The following ANK3 variants were observed in gnomAD, a reference collection of about 807,000 sequenced individuals.
ANK3 encodes the protein ankyrin-3.
ANK3 carries 57 observed loss-of-function variants against 370.9 expected under a neutral mutation model. That is an observed-to-expected ratio of 0.15 (90% CI 0.12 to 0.19). The LOEUF (loss-of-function observed/expected upper bound fraction) is 0.19, where lower values mean the gene tolerates loss of function less well. Among genes scored for constraint, ANK3 ranks in the 10% least tolerant of loss-of-function variants. ANK3 has a pLI of 1.00. For missense variants in ANK3, 4,439 were observed against 5,302.1 expected (o/e 0.84, Z 5.06); for synonymous variants, 1,929 against 1,946.3 (o/e 0.99, Z 0.23).
intron 1 of ANK3, among the ~76,000 whole-genome samples, chr10:60,615,439 A>G (rs2078255344): frequency 6.6e-6 from 1 of 152,168 alleles, no homozygotes; most frequent in South Asian, 2.1e-4. Flanking sequence ...TACAAAATAA[A>G]GAAAAGCAGG....
intron 25 of ANK3, among the ~76,000 whole-genome samples, chr10:60,118,184 G>C (rs2093235195): frequency 6.6e-6 from 1 of 152,210 alleles, no homozygotes; most frequent in Admixed American, 6.5e-5. Context: ...TAACAAGTGT[G>C]TCTTGTAGAA....
chr10:60,587,578 G>T (rs147377816), intron 2 of ANK3, among the ~76,000 whole-genome samples: 346 of 152,260 alleles, frequency 2.3e-3, no homozygotes, highest in African/African-American at 7.4e-3. Context: ...CATGGACTCA[G>T]TGCCAACTTA....
rs1029688918 is a variant in ANK3 at position 60,389,766 on chromosome 10, T to C, written c.-228A>G. The C allele has an allele frequency of 5.1e-6, 7 of 1,374,676 alleles. No individual in the cohort carries two copies. Among genetic ancestry groups the C allele is most frequent in the Non-Finnish European group, 6.6e-6 (7 of 1,065,476 alleles). 85.2% of individuals were successfully genotyped at this position (1,374,676 alleles called of 1,614,324 possible). On this transcript the variant is annotated 5_prime_UTR_variant, in exon 1 of 44. It removes the in-frame stop codon of an upstream open reading frame in the 5' UTR. Coordinates refer to ENST00000280772, the MANE Select transcript of ANK3 (RefSeq NM_020987.5). ...CTACACCTTCCTCTACCTGAACCTT[T>C]ACAGGAGAGTGCAGCCATCGTAATG...
chr10:60,034,199 C>T (rs1377255453), intron 43 of ANK3, among the ~76,000 whole-genome samples: 6 of 151,378 alleles, frequency 4.0e-5, no homozygotes, highest in African/African-American at 1.2e-4. Flanking sequence ...CTCCACCTCC[C>T]GGGCTCCAGT....
chr10:60,188,767 T>A (rs1340721138), intron 16 of ANK3, among the ~76,000 whole-genome samples: 2 of 152,144 alleles, frequency 1.3e-5, no homozygotes, highest in African/African-American at 4.8e-5. Flanking sequence ...AGATTTTATA[T>A]CCCTATTTTT....
At chr10:60,399,585 T>C (rs2063313479) in intron 2 of ANK3, among the ~76,000 whole-genome samples, 2 of 152,096 alleles carry the variant, frequency 1.3e-5, no homozygotes, top group South Asian at 2.1e-4. Flanking sequence ...TGAGCAGGTG[T>C]TGACATGTAA....
chr10:60,407,928 C>T (rs1019436707), intron 2 of ANK3, among the ~76,000 whole-genome samples: 1 of 152,216 alleles, frequency 6.6e-6, no homozygotes, highest in East Asian at 1.9e-4. Context: ...AGGAAGCTCA[C>T]ACCTTAGCCT....
intron 1 of ANK3, among the ~76,000 whole-genome samples, chr10:60,293,644 A>G (rs1239869701): frequency 7.2e-5 from 11 of 152,324 alleles, no homozygotes; most frequent in Admixed American, 7.2e-4. Flanking sequence ...CACTCCTCAC[A>G]TACAAAGAAG....
intron 7 of ANK3, among the ~76,000 whole-genome samples, chr10:60,250,564 A>C (rs2097644793): frequency 1.3e-5 from 2 of 152,114 alleles, no homozygotes; most frequent in East Asian, 1.9e-4. Flanking sequence ...ACGGAGTTTC[A>C]CCATGTTAGC....
intron 2 of ANK3, among the ~76,000 whole-genome samples, chr10:60,514,682 A>G (rs1234877000): frequency 6.6e-6 from 1 of 152,126 alleles, no homozygotes; most frequent in Non-Finnish European, 1.5e-5. Context: ...ACTGCATGTC[A>G]ACGTTATTCT....
At chr10:60,138,896 A>G (rs1301172383) in intron 24 of ANK3, 68 bp downstream of exon 24, 1 of 1,587,860 alleles carries the variant, frequency 6.3e-7, no homozygotes, top group Non-Finnish European at 8.6e-7. Flanking sequence ...AAAAATGAAC[A>G]TGATTTTGAT....
At chr10:60,493,378 CAGTA>C (rs1431390392) in intron 2 of ANK3, among the ~76,000 whole-genome samples, 2 of 151,896 alleles carry the variant, frequency 1.3e-5, no homozygotes, top group African/African-American at 4.8e-5. Flanking sequence ...AAGATAGAAA[CAGTA>C]AGAGCCCTAT....
intron 28 of ANK3, among the ~76,000 whole-genome samples, chr10:60,100,078 G>A (rs77654618): frequency 0.031 from 4,658 of 152,098 alleles, 231 homozygotes; most frequent in African/African-American, 0.11. Flanking sequence ...TATTTGCTTT[G>A]TCCTAATTTT....
intron 2 of ANK3, among the ~76,000 whole-genome samples, chr10:60,486,745 A>T (rs1481623579): frequency 1.3e-5 from 2 of 152,228 alleles, no homozygotes; most frequent in African/African-American, 4.8e-5. Context: ...AAGAAATAAA[A>T]GTTTAACAAT....
chr10:60,133,387 T>G (rs10509123), intron 25 of ANK3, among the ~76,000 whole-genome samples: 44,359 of 152,138 alleles, frequency 0.29, 7,031 homozygotes, highest in Non-Finnish European at 0.36. Flanking sequence ...GAAGACTGTG[T>G]TACTGGAACT....
chr10:60,570,495 A>G (rs954817367), intron 2 of ANK3, among the ~76,000 whole-genome samples: 1 of 152,214 alleles, frequency 6.6e-6, no homozygotes, highest in Non-Finnish European at 1.5e-5. Context: ...AACAAGCATC[A>G]GAAGAATGAT....
At chr10:60,225,678 G>A (rs576629214) in intron 8 of ANK3, among the ~76,000 whole-genome samples, 70 of 152,198 alleles carry the variant, frequency 4.6e-4, no homozygotes, top group Middle Eastern at 3.4e-3. Context: ...CCGCCTATAT[G>A]TTTAAATGAA....
rs28496209 is a variant in ANK3, at chr10:60,091,146, C to T, written c.3329-2788G>A. On this transcript the variant is annotated intron_variant, in intron 28 of 43. Coordinates refer to ENST00000280772, the MANE Select transcript of ANK3 (RefSeq NM_020987.5). ...TCTCAAACTCCTGACCTCAGGTGAT[C>T]CCCCCAACCTTGGACCCCCAAAGTG... 7.4e-3 allele frequency among the ~76,000 whole-genome samples: 1,125 copies of T among 152,304 alleles called. 13 individuals are homozygous for T. The highest frequency in any genetic ancestry group is 0.026 in the African/African-American group (1,070 of 41,572).
At chr10:60,082,427 G>T in intron 34 of ANK3, 188 bp downstream of exon 34, 1 of 802,448 alleles carries the variant, frequency 1.2e-6, no homozygotes, top group Non-Finnish European at 1.9e-6. Context: ...AAACAGAGAA[G>T]ACTCCATCAT....
Sources: gnomAD v4.1 joint callset for allele counts (sites outside exome capture counted in the v4.1 genomes callset) on GRCh38, gnomAD v4.1.1 for gene constraint, MANE v1.5 for transcripts, NCBI Gene and HGNC (gene_info 2026-07-23, HGNC 2026-07-21) for gene names.